The following STAG1 variants were observed in gnomAD, a reference collection of about 807,000 sequenced individuals.
STAG1 encodes STAG1 cohesin complex component, also known as cohesin subunit SA-1.
Under a neutral mutation model 170.9 loss-of-function variants are expected in STAG1, and 26 were observed. The ratio of observed to expected loss-of-function variants is 0.15; its 90% CI spans 0.11 to 0.21. STAG1 has a LOEUF of 0.21. Among genes scored for constraint, STAG1 ranks in the 10% least tolerant of loss-of-function variants. STAG1 has a pLI of 1.00. For synonymous variants in STAG1, 514 were observed against 497.7 expected, an observed-to-expected ratio of 1.03 and a Z score of -0.44; for missense variants, 964 against 1,509.5, an observed-to-expected ratio of 0.64 and a Z score of 5.99.
Position 136,498,210 on chromosome 3 carries a change from TTATATA to T in STAG1, c.902+2007_902+2012del, listed in dbSNP as rs374645920. 9.6e-4 allele frequency among the ~76,000 whole-genome samples: 49 copies of T among 50,836 alleles called. 3 individuals are homozygous for T. In the East Asian group the frequency reaches 0.062, roughly 65 times the overall value. The allele number at this position is 50,836 out of a possible 152,430, so 33.4% of individuals were successfully genotyped here. On this transcript the variant is annotated intron_variant, in intron 9 of 33. Coordinates refer to ENST00000383202, the MANE Select transcript of STAG1 (RefSeq NM_005862.3). ...TCCATCTTAAAAAAAAAAAAAAAAA[TTATATA>T]TATATATATATATATATACACATAC...
intron 1 of STAG1, among the ~76,000 whole-genome samples, chr3:136,707,061 T>G (rs970852863): frequency 6.6e-6 from 1 of 152,152 alleles, no homozygotes; most frequent in African/African-American, 2.4e-5. Flanking sequence ...TCAAAATGGA[T>G]CAGTGGCCTA....
At chr3:136,427,800 A>G (rs2088176304) in intron 16 of STAG1, among the ~76,000 whole-genome samples, 1 of 152,226 alleles carries the variant, frequency 6.6e-6, no homozygotes, top group Admixed American at 6.5e-5. Flanking sequence ...TAAAAAAGGC[A>G]CACCTATACT....
intron 4 of STAG1, among the ~76,000 whole-genome samples, chr3:136,602,195 A>T (rs576822555): frequency 4.6e-5 from 7 of 152,024 alleles, no homozygotes; most frequent in African/African-American, 1.7e-4. Context: ...CCTGGCCAAC[A>T]TGGTAAAGCC....
intron 7 of STAG1, among the ~76,000 whole-genome samples, chr3:136,510,592 G>A (rs979768049): frequency 2.0e-5 from 3 of 150,268 alleles, no homozygotes; most frequent in Admixed American, 6.7e-5. Context: ...GAGTTCTCAC[G>A]AGATCTGATG....
chr3:136,501,712 G>A (rs191098158), intron 8 of STAG1, among the ~76,000 whole-genome samples: 16 of 152,204 alleles, frequency 1.1e-4, no homozygotes, highest in Admixed American at 9.8e-4. Context: ...AATACAGTAT[G>A]GCTAATAATC....
intron 9 of STAG1, among the ~76,000 whole-genome samples, chr3:136,481,830 T>C (rs1444418534): frequency 1.3e-5 from 1 of 76,182 alleles, no homozygotes; most frequent in African/African-American, 4.8e-5. Context: ...TGTCGAGGAA[T>C]GTATCCATTT....
chr3:136,513,134 T>C (rs919557360), intron 7 of STAG1, among the ~76,000 whole-genome samples: 3 of 151,922 alleles, frequency 2.0e-5, no homozygotes, highest in African/African-American at 7.3e-5. Flanking sequence ...GGCAGGCAGA[T>C]CACCTGAGGT....
chr3:136,567,064 T>G (rs1186208198), intron 5 of STAG1, among the ~76,000 whole-genome samples: 1 of 152,220 alleles, frequency 6.6e-6, no homozygotes, highest in Non-Finnish European at 1.5e-5. Context: ...TTAAGAGCAG[T>G]TAACTATGTG....
At chr3:136,393,912 C>CT (rs953457075) in intron 22 of STAG1, among the ~76,000 whole-genome samples, 5 of 151,446 alleles carry the variant, frequency 3.3e-5, no homozygotes, top group African/African-American at 9.7e-5. Flanking sequence ...ATGGATTTTT[C>CT]TTTTTTTTGA....
In STAG1 at chr3:136,343,996, C is replaced by T. The variant is rs775490406; in HGVS notation, c.3282G>A (p.Leu1094=). 9 of 1,579,134 alleles carry T rather than the reference C, an allele frequency of 5.7e-6. No individual in the cohort carries two copies. In the South Asian group the frequency reaches 1.1e-4, roughly 19 times the overall value. ...CAGTCCTGTTTAGCCATGTGTTATCCAGACTCTCATCTGTAAAATTCCAGT... is the reference window on the plus strand; with the variant it reads ...CAGTCCTGTTTAGCCATGTGTTATCTAGACTCTCATCTGTAAAATTCCAGT... The part of the protein sequence containing the change: ...LHKKRVEDES[L]DNTWLNRTDT... The change falls in exon 30 of 34, where the codon CTG becomes CTA. Residue 1094 remains leucine, a synonymous_variant. Transcript: ENST00000383202.
At chr3:136,735,756 G>C (rs1185807438) in intron 1 of STAG1, among the ~76,000 whole-genome samples, 2 of 152,148 alleles carry the variant, frequency 1.3e-5, no homozygotes, top group East Asian at 3.8e-4. Flanking sequence ...GGAATTATAG[G>C]GGTTCGCCAC....
intron 3 of STAG1, chr3:136,609,718 A>G: frequency 5.8e-6 from 1 of 171,364 alleles, no homozygotes; most frequent in Non-Finnish European, 1.2e-5. Context: ...AACATTTTTA[A>G]GAAGAAGGGA....
chr3:136,638,499 T>C (rs1940668871), intron 1 of STAG1, among the ~76,000 whole-genome samples: 1 of 152,126 alleles, frequency 6.6e-6, no homozygotes, highest in African/African-American at 2.4e-5. Context: ...TATGTGTGTG[T>C]ATATGTGTTT....
chr3:136,417,661 AT>A, intron 21 of STAG1: 1 of 425,144 alleles, frequency 2.4e-6, no homozygotes, highest in Non-Finnish European at 4.2e-6. Context: ...TAACAGTAAA[AT>A]TTTTAAGATA....
At chr3:136,348,011 A>C (rs1936297705) in intron 29 of STAG1, among the ~76,000 whole-genome samples, 1 of 152,222 alleles carries the variant, frequency 6.6e-6, no homozygotes, top group African/African-American at 2.4e-5. Flanking sequence ...CCAATAATGA[A>C]AAGAATCATT....
chr3:136,381,621 G>C (rs1378974770), intron 22 of STAG1, among the ~76,000 whole-genome samples: 1 of 152,150 alleles, frequency 6.6e-6, no homozygotes, highest in Non-Finnish European at 1.5e-5. Flanking sequence ...TAAAGAGTCA[G>C]TGAAAAATAG....
At chr3:136,444,276 G>A (rs994123168) in intron 14 of STAG1, among the ~76,000 whole-genome samples, 1 of 152,108 alleles carries the variant, frequency 6.6e-6, no homozygotes, top group African/African-American at 2.4e-5. Flanking sequence ...GTTTCACCAC[G>A]TTGGCCAGAC....
intron 21 of STAG1, among the ~76,000 whole-genome samples, chr3:136,410,068 T>TTAA (rs1446354173): frequency 1.2e-4 from 11 of 93,082 alleles, no homozygotes; most frequent in Non-Finnish European, 2.1e-4. Flanking sequence ...AGTCCTTGTC[T>TTAA]AAAAAAAAAA....
intron 1 of STAG1, among the ~76,000 whole-genome samples, chr3:136,661,878 G>A (rs1370888857): frequency 6.6e-6 from 1 of 152,166 alleles, no homozygotes; most frequent in African/African-American, 2.4e-5. Flanking sequence ...ACAAGGCACA[G>A]AAAAATTAAG....
Sources: gnomAD v4.1 joint callset for allele counts (sites outside exome capture counted in the v4.1 genomes callset) on GRCh38, gnomAD v4.1.1 for gene constraint, MANE v1.5 for transcripts, NCBI Gene and HGNC (gene_info 2026-07-23, HGNC 2026-07-21) for gene names.